Variants in TEX2 observed in about 807,000 individuals in gnomAD.
TEX2 encodes the protein testis expressed 2.
In TEX2, 53 loss-of-function variants were observed where a neutral mutation model predicts 106.9. The ratio of observed to expected loss-of-function variants is 0.50; its 90% CI spans 0.40 to 0.62. TEX2 has a LOEUF of 0.62. Among genes scored for constraint, TEX2 ranks in the 20% least tolerant of loss-of-function variants. The pLI is 0.00. For synonymous variants in TEX2, 523 were observed against 534.8 expected (o/e 0.98, Z 0.30); for missense variants, 1,207 against 1,379.0 (o/e 0.88, Z 1.98).
chr17:64,245,195 G>A (rs1045958805), intron 1 of TEX2, among the ~76,000 whole-genome samples: 5 of 152,052 alleles, frequency 3.3e-5, no homozygotes, highest in African/African-American at 7.2e-5. Context: ...CTACATGTAT[G>A]GCAGGAGAAA....
At chr17:64,250,591 C>T (rs2034071212) in intron 1 of TEX2, among the ~76,000 whole-genome samples, 1 of 152,200 alleles carries the variant, frequency 6.6e-6, no homozygotes, top group Non-Finnish European at 1.5e-5. Flanking sequence ...CTGCCGGAGG[C>T]CTACTTTAAA....
intron 2 of TEX2, among the ~76,000 whole-genome samples, chr17:64,198,906 A>T (rs2032565803): frequency 6.6e-6 from 1 of 152,240 alleles, no homozygotes; most frequent in Admixed American, 6.5e-5. Context: ...ATGTTTATCA[A>T]CCACTCACCA....
chr17:64,259,037 C>T (rs564897350), intron 1 of TEX2, among the ~76,000 whole-genome samples: 2 of 152,250 alleles, frequency 1.3e-5, no homozygotes, highest in East Asian at 1.9e-4. Flanking sequence ...CATGAGCCAC[C>T]GCGCCCTGTC....
chr17:64,245,824 G>A (rs188215047), intron 1 of TEX2, among the ~76,000 whole-genome samples: 9 of 152,240 alleles, frequency 5.9e-5, no homozygotes, highest in Non-Finnish European at 8.8e-5. Flanking sequence ...AGGAAAGCCC[G>A]CAGACAGCTG....
chr17:64,154,720 C>A (rs547379049), intron 9 of TEX2, 122 bp downstream of exon 9: 2 of 1,232,552 alleles, frequency 1.6e-6, no homozygotes, highest in East Asian at 2.8e-5. Flanking sequence ...AATAAAAAAA[C>A]CATCTACTCA....
intron 6 of TEX2, among the ~76,000 whole-genome samples, chr17:64,173,609 G>T (rs1028816387): frequency 6.6e-6 from 1 of 152,174 alleles, no homozygotes; most frequent in Non-Finnish European, 1.5e-5. Flanking sequence ...GCATAGTTTT[G>T]AATTGGTGTT....
chr17:64,254,088 C>T (rs17649325), intron 1 of TEX2, among the ~76,000 whole-genome samples: 12,464 of 152,148 alleles, frequency 0.082, 592 homozygotes, highest in Non-Finnish European at 0.11. Context: ...ACTTAACAGA[C>T]GCCTCTCTAC....
At chr17:64,168,678 G>A (rs947058662) in intron 7 of TEX2, among the ~76,000 whole-genome samples, 4 of 152,300 alleles carry the variant, frequency 2.6e-5, no homozygotes, top group East Asian at 1.9e-4. Context: ...ATAAGAGGCT[G>A]CTTACACATT....
chr17:64,236,709 A>T (rs544732641), intron 1 of TEX2, among the ~76,000 whole-genome samples: 1 of 152,334 alleles, frequency 6.6e-6, no homozygotes, highest in South Asian at 2.1e-4. Context: ...ACAATACAGG[A>T]ATTAATTTAA....
intron 9 of TEX2, 90 bp downstream of exon 9, chr17:64,154,752 C>A (rs2030531710): frequency 3.6e-6 from 5 of 1,379,848 alleles, no homozygotes; most frequent in South Asian, 3.3e-5. Context: ...GAAGGAAGAT[C>A]ACAGAGGAAG....
intron 8 of TEX2, chr17:64,155,367 CT>C (rs2030573188): frequency 6.2e-6 from 1 of 160,316 alleles, no homozygotes; most frequent in East Asian, 1.8e-4. Context: ...GAGGTGACAG[CT>C]TATACTGGTG....
rs369724904 is a variant in TEX2 at position 64,212,785 on chromosome 17, A to G, written c.1433T>C (p.Phe478Ser). ...GTACACATAGACACACATTATAAAG[A>G]AGCCCAACGTCTTCACTGGCAATTC... ...HPELPVKTLG[F>S]FIMCVYVYLI... is the part of the protein sequence containing the mutation. Residue 478 changes from phenylalanine (F) to serine (S), a missense_variant, in exon 2 of 12, where the codon TTC becomes TCC. By Grantham distance (155) the Phe-to-Ser change is radical. Around this residue, in one of 3 missense-constraint regions of TEX2, gnomAD observed 1,067 missense variants for 1,193.6 expected, o/e 0.89. Coordinates refer to ENST00000584379, the MANE Select transcript of TEX2 (RefSeq NM_001288732.2). 5.8e-5 allele frequency: 93 copies of G among 1,614,040 alleles called. No homozygotes were observed. In the South Asian group the frequency reaches 6.7e-4, roughly 12 times the overall value.
At chr17:64,226,049 T>C (rs4968614) in intron 1 of TEX2, among the ~76,000 whole-genome samples, 82,711 of 152,112 alleles carry the variant, frequency 0.54, 24,229 homozygotes, top group East Asian at 0.83. Context: ...CTGATGCTCA[T>C]GGGGTAACAT....
intron 2 of TEX2, among the ~76,000 whole-genome samples, chr17:64,196,204 T>C (rs1555629273): frequency 6.6e-6 from 1 of 152,220 alleles, no homozygotes; most frequent in Admixed American, 6.5e-5. Context: ...TGCGAAGCAA[T>C]GGGTTAGGAG....
At position 64,195,126 on chromosome 17, in the gene TEX2, C is replaced by G. The variant is rs761248331; in HGVS notation, c.1645-31G>C. On this transcript the variant is annotated intron_variant, in intron 2 of 11. Transcript: ENST00000584379. This position sits in a 1 kb window ranked among gnomAD's most constrained non-coding sequence, Gnocchi z 4.1. ...GAAGAAAAACTTCCATTAGTAATAT[C>G]AGAATAATCGCAAATCTGATTTAGT... is the stretch of plus-strand genomic sequence containing the variant. The G allele has an allele frequency of 1.9e-6, 3 of 1,600,838 alleles. No homozygotes were observed. The highest frequency in any genetic ancestry group is 3.4e-4 in the Middle Eastern group (2 of 5,900).
chr17:64,212,532 T>G, intron 2 of TEX2, 42 bp downstream of exon 2: 81 of 1,512,238 alleles, frequency 5.4e-5, no homozygotes, highest in Non-Finnish European at 6.7e-5. Context: ...CGGCTGTATG[T>G]GAGAAGTGTG....
At chr17:64,193,196 G>C (rs1371036086) in intron 4 of TEX2, among the ~76,000 whole-genome samples, 1 of 152,204 alleles carries the variant, frequency 6.6e-6, no homozygotes, top group Non-Finnish European at 1.5e-5. Context: ...GACATATTGA[G>C]GGTCAGGTGC....
intron 10 of TEX2, among the ~76,000 whole-genome samples, chr17:64,151,406 T>G (rs2030348446): frequency 6.6e-6 from 1 of 152,182 alleles, no homozygotes; most frequent in African/African-American, 2.4e-5. Flanking sequence ...TTGACAGAAG[T>G]AGGGTGAACT....
At position 64,149,050 on chromosome 17, in the gene TEX2, A is replaced by G. The variant is rs748512543; in HGVS notation, c.3303T>C (p.Thr1101=). The part of the protein sequence containing the change: ...VMPNMDDVYI[T]IMHSAMDPRS... ...GAGGGTCCATGGCTGAGTGCATTATAGTGATATAAACATCATCCATGTTTG... is the reference window on the plus strand; with the variant it reads ...GAGGGTCCATGGCTGAGTGCATTATGGTGATATAAACATCATCCATGTTTG... Residue 1101 remains threonine (T), a synonymous_variant, in exon 12 of 12, where the codon ACT becomes ACC. Coordinates refer to ENST00000584379, the MANE Select transcript of TEX2 (RefSeq NM_001288732.2). 2.5e-6 allele frequency: 4 copies of G among 1,614,164 alleles called. No homozygotes were observed. Among genetic ancestry groups the G allele is most frequent in the East Asian group, 2.2e-5 (1 of 44,886 alleles).
Sources: gnomAD v4.1 joint callset for allele counts (sites outside exome capture counted in the v4.1 genomes callset) on GRCh38, gnomAD v4.1.1 for gene constraint, gnomAD v4.1.1 regional missense constraint, Gnocchi (gnomAD v3.1) non-coding constraint, MANE v1.5 for transcripts, NCBI Gene and HGNC (gene_info 2026-07-23, HGNC 2026-07-21) for gene names.